Variants in COL19A1 observed in about 807,000 individuals in gnomAD.
COL19A1 encodes the protein collagen type XIX alpha 1 chain.
In COL19A1, 159 loss-of-function variants were observed where a neutral mutation model predicts 190.2. The observed-to-expected ratio is 0.84, with a 90% CI of 0.73 to 0.95. The LOEUF is 0.95. COL19A1 is among the 40% of genes least tolerant of loss of function. The pLI is 0.00. For missense variants in COL19A1, 1,418 were observed against 1,431.9 expected (o/e 0.99, Z 0.16); for synonymous variants, 509 against 458.9 (o/e 1.11, Z -1.39).
chr6:70,191,270 A>ATTT (rs1766857083), intron 48 of COL19A1, among the ~76,000 whole-genome samples: 1 of 152,304 alleles, frequency 6.6e-6, no homozygotes, highest in South Asian at 2.1e-4. Flanking sequence ...TTATAAAAAT[A>ATTT]TTTTTAAATG....
At chr6:69,998,318 A>T (rs78580643) in intron 11 of COL19A1, among the ~76,000 whole-genome samples, 1,606 of 151,946 alleles carry the variant, frequency 0.011, 34 homozygotes, top group African/African-American at 0.037. Context: ...CCCACAATTT[A>T]TTTTTTAATG....
At chr6:69,976,108 A>G (rs1242922488) in intron 11 of COL19A1, among the ~76,000 whole-genome samples, 3 of 152,180 alleles carry the variant, frequency 2.0e-5, no homozygotes, top group African/African-American at 7.2e-5. Flanking sequence ...TCATTCATGT[A>G]TATTTTTTAA....
At chr6:70,082,554 A>G (rs1032512115) in intron 15 of COL19A1, among the ~76,000 whole-genome samples, 4 of 152,084 alleles carry the variant, frequency 2.6e-5, no homozygotes, top group African/African-American at 9.7e-5. Context: ...CTGGGACTAG[A>G]GGTGTGTGCC....
chr6:69,959,498 G>A (rs1582526962), intron 9 of COL19A1, among the ~76,000 whole-genome samples: 2 of 152,162 alleles, frequency 1.3e-5, no homozygotes, highest in East Asian at 1.9e-4. Flanking sequence ...GGTATGCAGA[G>A]TTGAAGTGTT....
intron 1 of COL19A1, among the ~76,000 whole-genome samples, chr6:69,878,033 G>A (rs1768249943): frequency 6.6e-6 from 1 of 151,204 alleles, no homozygotes; most frequent in Admixed American, 6.6e-5. Context: ...ATAAATAAAA[G>A]GGCAAAGGGC....
At chr6:69,996,938 G>GTGTGTGTA (rs1554186344) in intron 11 of COL19A1, among the ~76,000 whole-genome samples, 44 of 143,430 alleles carry the variant, frequency 3.1e-4, no homozygotes, top group East Asian at 1.6e-3. Flanking sequence ...GTGTGTGTGT[G>GTGTGTGTA]TATATATATG....
chr6:69,955,802 C>A (rs1199630540), intron 9 of COL19A1, among the ~76,000 whole-genome samples: 2 of 151,850 alleles, frequency 1.3e-5, no homozygotes, highest in African/African-American at 4.8e-5. Context: ...ATGTATAAGA[C>A]CTATAACTTT....
At chr6:70,052,848 A>T (rs1020394931) in intron 14 of COL19A1, among the ~76,000 whole-genome samples, 1 of 152,190 alleles carries the variant, frequency 6.6e-6, no homozygotes, top group African/African-American at 2.4e-5. Flanking sequence ...TACTTGCTTT[A>T]AGAGCTCAGC....
At chr6:70,126,232 C>A (rs1785187322) in intron 17 of COL19A1, among the ~76,000 whole-genome samples, 1 of 151,858 alleles carries the variant, frequency 6.6e-6, no homozygotes, top group Non-Finnish European at 1.5e-5. Context: ...CTTTAATATC[C>A]ACAGACTAGA....
chr6:69,976,712 T>C (rs1026227135), intron 11 of COL19A1, among the ~76,000 whole-genome samples: 2 of 152,100 alleles, frequency 1.3e-5, no homozygotes, highest in African/African-American at 4.8e-5. Flanking sequence ...AGGAACCACA[T>C]GGAGTGTCTT....
chr6:69,927,456 G>A (rs1200369548), intron 4 of COL19A1, among the ~76,000 whole-genome samples: 1 of 152,128 alleles, frequency 6.6e-6, no homozygotes, highest in Non-Finnish European at 1.5e-5. Flanking sequence ...CTTCAGTTGG[G>A]ACTAAGAAAT....
At chr6:70,047,380 C>T (rs539215728) in intron 14 of COL19A1, among the ~76,000 whole-genome samples, 38 of 152,098 alleles carry the variant, frequency 2.5e-4, no homozygotes, top group Admixed American at 1.2e-3. Flanking sequence ...AATAAGTATA[C>T]ACATTTATTT....
chr6:70,113,296 C>T (rs941947879), intron 16 of COL19A1, among the ~76,000 whole-genome samples: 4 of 152,170 alleles, frequency 2.6e-5, no homozygotes, highest in African/African-American at 7.2e-5. Flanking sequence ...TTGATAAATG[C>T]TTAAACCATT....
At chr6:69,947,798 T>A (rs1320318683) in intron 9 of COL19A1, among the ~76,000 whole-genome samples, 2 of 151,864 alleles carry the variant, frequency 1.3e-5, no homozygotes, top group African/African-American at 4.8e-5. Context: ...TTGATGCTAC[T>A]TTTTCCTTTC....
intron 9 of COL19A1, among the ~76,000 whole-genome samples, chr6:69,951,970 A>G (rs1774151331): frequency 6.6e-6 from 1 of 152,034 alleles, no homozygotes; most frequent in Admixed American, 6.6e-5. Context: ...TTACACAGGC[A>G]GGTCTGAATT....
intron 15 of COL19A1, among the ~76,000 whole-genome samples, chr6:70,078,804 C>A (rs1168952783): frequency 6.6e-6 from 1 of 152,172 alleles, no homozygotes; most frequent in African/African-American, 2.4e-5. Context: ...CAGTGGCTCA[C>A]ACCTGTAATC....
intron 46 of COL19A1, among the ~76,000 whole-genome samples, chr6:70,185,809 G>C (rs1172420102): frequency 6.6e-6 from 1 of 152,064 alleles, no homozygotes; most frequent in African/African-American, 2.4e-5. Context: ...TTTGTATACT[G>C]GTGTCTAGTT....
intron 9 of COL19A1, among the ~76,000 whole-genome samples, chr6:69,939,941 T>C (rs1309923822): frequency 6.6e-6 from 1 of 152,164 alleles, no homozygotes; most frequent in Non-Finnish European, 1.5e-5. Flanking sequence ...GTGACTGTGA[T>C]TTATACACGT....
chr6:70,180,424 G>T (rs759216032), intron 43 of COL19A1, 37 bp from the exon 44 acceptor site: 9 of 1,614,010 alleles, frequency 5.6e-6, no homozygotes, highest in Admixed American at 1.7e-5. Flanking sequence ...TAAAACATTT[G>T]TTGGCAATTA....
Sources: gnomAD v4.1 joint callset for allele counts (sites outside exome capture counted in the v4.1 genomes callset) on GRCh38, gnomAD v4.1.1 for gene constraint, MANE v1.5 for transcripts, NCBI Gene and HGNC (gene_info 2026-07-23, HGNC 2026-07-21) for gene names.